Variants in ADCY10 observed in about 807,000 individuals in gnomAD.
The protein encoded by ADCY10 is adenylate cyclase 10, also known as adenylate cyclase type 10.
A neutral mutation model predicts 183.3 loss-of-function variants in ADCY10; 156 were observed. That is an observed-to-expected ratio of 0.85 (90% CI 0.75 to 0.97). The LOEUF (loss-of-function observed/expected upper bound fraction) is 0.97, where lower values mean the gene tolerates loss of function less well. Among genes scored for constraint, ADCY10 ranks in the 50% least tolerant of loss-of-function variants. ADCY10 has a pLI of 0.00. For synonymous variants in ADCY10, 645 were observed against 670.0 expected (o/e 0.96, Z 0.58); for missense variants, 1,745 against 1,934.3 (o/e 0.90, Z 1.84).
At chr1:167,864,452 GTA>G (rs1666527543) in intron 14 of ADCY10, among the ~76,000 whole-genome samples, 1 of 152,180 alleles carries the variant, frequency 6.6e-6, no homozygotes, top group South Asian at 2.1e-4. Flanking sequence ...ATGGCACAAG[GTA>G]ACCTGTAAGC....
chr1:167,815,082 G>A (rs1053680433), intron 31 of ADCY10, among the ~76,000 whole-genome samples: 4 of 151,938 alleles, frequency 2.6e-5, no homozygotes, highest in African/African-American at 4.8e-5. Flanking sequence ...CCGAGATCAC[G>A]CCATTGCACT....
intron 17 of ADCY10, among the ~76,000 whole-genome samples, chr1:167,855,190 C>T (rs1268421352): frequency 2.6e-5 from 4 of 152,100 alleles, no homozygotes; most frequent in African/African-American, 9.7e-5. Context: ...CGTAGTGGGG[C>T]ATGCCTGCAA....
At chr1:167,823,965 T>A (rs1158020922) in intron 28 of ADCY10, among the ~76,000 whole-genome samples, 1 of 152,142 alleles carries the variant, frequency 6.6e-6, no homozygotes, top group Non-Finnish European at 1.5e-5. Context: ...CTGACTACCC[T>A]CTGATCACTG....
intron 23 of ADCY10, among the ~76,000 whole-genome samples, chr1:167,835,551 A>C (rs1414599582): frequency 6.6e-6 from 1 of 152,228 alleles, no homozygotes; most frequent in Non-Finnish European, 1.5e-5. Flanking sequence ...CACACATTGC[A>C]TGATGACAAA....
At chr1:167,859,733 C>T (rs908396406) in intron 16 of ADCY10, 74 bp downstream of exon 16, 14 of 1,149,584 alleles carry the variant, frequency 1.2e-5, no homozygotes, top group Non-Finnish European at 1.6e-5. Flanking sequence ...GGTCTGAACT[C>T]CTCAAACCAC....
chr1:167,892,334 G>A (rs1668654870), intron 8 of ADCY10, among the ~76,000 whole-genome samples: 1 of 152,136 alleles, frequency 6.6e-6, no homozygotes, highest in Non-Finnish European at 1.5e-5. Context: ...CTGAGTTTTG[G>A]CTTGGAAAAG....
At chr1:167,885,189 T>C (rs553783562) in intron 8 of ADCY10, among the ~76,000 whole-genome samples, 24 of 152,362 alleles carry the variant, frequency 1.6e-4, no homozygotes, top group African/African-American at 5.1e-4. Context: ...CATTTCTCTG[T>C]TGATGGACAC....
Position 167,856,364 on chromosome 1 carries a change from C to T in ADCY10, c.1972G>A (p.Glu658Lys). ...FVDSTSWRFM[E>K]KLIRTLPIFI... ...ATAGGAAGAGTCCGGATAAGCTTCT[C>T]CATAAATCTCCAGGAGGTCGAATCC... The change falls in exon 17 of 33, where the codon GAG (glutamate) becomes AAG (lysine). Residue 658 changes from glutamate (E) to lysine (K), a missense_variant. Physicochemically the swap from Glu to Lys is moderately conservative, Grantham distance 56 (BLOSUM62 1). Coordinates refer to ENST00000367851, the MANE Select transcript of ADCY10 (RefSeq NM_018417.6). 1 of 1,614,134 alleles carries T rather than the reference C, an allele frequency of 6.2e-7. No homozygotes were observed. Among genetic ancestry groups the T allele is most frequent in the Non-Finnish European group, 8.5e-7 (1 of 1,179,998 alleles).
rs551472032 is a variant in ADCY10 at position 167,870,383 on chromosome 1, A to T, written c.1490T>A (p.Met497Lys). The T allele has an allele frequency of 2.9e-5, 47 of 1,611,844 alleles. No individual in the cohort carries two copies. In the East Asian group the frequency reaches 7.4e-4, roughly 25 times the overall value. The change falls in exon 14 of 33, where the codon ATG (methionine) becomes AAG (lysine). Residue 497 changes from methionine (M) to lysine (K), a missense_variant. Met to Lys is a moderately conservative substitution (Grantham distance 95, BLOSUM62 -1). Coordinates refer to ENST00000367851, the MANE Select transcript of ADCY10 (RefSeq NM_018417.6). Reference protein sequence around the residue: ...LGRNKEINYFMYTMKKFLISN... With the variant: ...LGRNKEINYFKYTMKKFLISN... ...TATCAAAAATTTCTTCATAGTATAC[A>T]TGAAGTAGTTGATCTCTTTATTACG...
At chr1:167,885,620 C>T (rs550077384) in intron 8 of ADCY10, among the ~76,000 whole-genome samples, 7 of 151,918 alleles carry the variant, frequency 4.6e-5, no homozygotes, top group Non-Finnish European at 7.4e-5. Flanking sequence ...ATGTCTATTT[C>T]GATCTTTTTT....
intron 25 of ADCY10, among the ~76,000 whole-genome samples, chr1:167,830,792 A>T (rs1057488407): frequency 4.6e-5 from 7 of 152,182 alleles, no homozygotes; most frequent in African/African-American, 1.4e-4. Context: ...CTTAGGGCAA[A>T]CCTGCCTCCC....
intron 17 of ADCY10, among the ~76,000 whole-genome samples, chr1:167,855,087 G>A (rs1464039989): frequency 1.3e-5 from 2 of 152,308 alleles, no homozygotes; most frequent in East Asian, 1.9e-4. Context: ...TTGGGAGGCC[G>A]AGGAGGGCGG....
At chr1:167,819,182 G>C (rs146396134) in intron 30 of ADCY10, among the ~76,000 whole-genome samples, 4 of 151,212 alleles carry the variant, frequency 2.6e-5, no homozygotes, top group African/African-American at 7.3e-5. Context: ...TATTCTACCT[G>C]CATTTGGAAC....
chr1:167,903,921 C>A lies in ADCY10; in HGVS notation c.219G>T (p.Glu73Asp). 6.2e-7 allele frequency: 1 copy of A among 1,613,592 alleles called. No individual in the cohort carries two copies. Among genetic ancestry groups the A allele is most frequent in the South Asian group, 1.1e-5 (1 of 91,070 alleles). Residue 73 changes from glutamate to aspartate, a missense_variant, in exon 3 of 33, where the codon GAG (glutamate) becomes GAT (aspartate). Coordinates refer to ENST00000367851, the MANE Select transcript of ADCY10 (RefSeq NM_018417.6). ...TTGCACTTATGTGGTAGTTGAGGAT[C>A]TCCACCAACTGCTCAGCCCCTCTGT... is the stretch of plus-strand genomic sequence containing the variant. ...YMDRGAEQLV[E>D]ILNYHISAIV...
At chr1:167,864,328 C>T (rs1443200317) in intron 14 of ADCY10, among the ~76,000 whole-genome samples, 3 of 152,114 alleles carry the variant, frequency 2.0e-5, no homozygotes, top group Non-Finnish European at 4.4e-5. Context: ...AGGGAGATTA[C>T]GGTGTTACTA....
intron 14 of ADCY10, among the ~76,000 whole-genome samples, chr1:167,869,099 A>G (rs1416154696): frequency 1.3e-5 from 2 of 152,266 alleles, no homozygotes; most frequent in East Asian, 3.8e-4. Flanking sequence ...AGTTAAAAAC[A>G]TGACAAAACT....
At chr1:167,872,110 G>C (rs1667145849) in intron 13 of ADCY10, among the ~76,000 whole-genome samples, 1 of 152,168 alleles carries the variant, frequency 6.6e-6, no homozygotes. Flanking sequence ...GGGAGGCCGA[G>C]GCGGGTGGAT....
chr1:167,811,064 G>GAATTAACCCCCAAGGTAATGGTATTA, intron 31 of ADCY10, 151 bp from the exon 32 acceptor site: 1 of 743,662 alleles, frequency 1.3e-6, no homozygotes. Flanking sequence ...GTAGGTATTG[G>GAATTAACCCCCAAGGTAATGGTATTA]AGATAAGACA....
intron 23 of ADCY10, 30 bp downstream of exon 23, chr1:167,836,279 G>A: frequency 7.0e-7 from 1 of 1,431,748 alleles, no homozygotes; most frequent in Non-Finnish European, 9.8e-7. Flanking sequence ...TGTCTCTAGG[G>A]TGGAGGTGGT....
Sources: allele counts gnomAD v4.1 joint callset (sites outside exome capture counted in the v4.1 genomes callset), GRCh38; gene constraint gnomAD v4.1.1; transcripts MANE v1.5; gene names NCBI Gene and HGNC (gene_info 2026-07-23, HGNC 2026-07-21).